The following CDKL5 variants were observed in gnomAD, a reference collection of about 807,000 sequenced individuals.
CDKL5 encodes cyclin dependent kinase like 5, also known as cyclin-dependent kinase-like 5.
CDKL5 carries 8 observed loss-of-function variants against 61.7 expected under a neutral mutation model. That is an observed-to-expected ratio of 0.13 (90% CI 0.08 to 0.23). CDKL5 has a LOEUF of 0.23. CDKL5 is among the 10% of genes least tolerant of loss of function. CDKL5 has a pLI of 1.00. For missense variants in CDKL5, 440 were observed against 734.5 expected (o/e 0.60, Z 4.63); for synonymous variants, 275 against 272.3 (o/e 1.01, Z -0.10).
intron 3 of CDKL5, among the ~76,000 whole-genome samples, chrX:18,548,831 C>T (rs761842570): frequency 2.7e-5 from 3 of 112,222 alleles, no homozygotes; most frequent in Non-Finnish European, 3.8e-5. Flanking sequence ...CTTTGAACTT[C>T]AGTGTTTTGT....
chrX:18,555,525 C>T (rs938775392), intron 3 of CDKL5, among the ~76,000 whole-genome samples: 5 of 111,772 alleles, frequency 4.5e-5, no homozygotes, highest in Non-Finnish European at 9.4e-5. Context: ...TTATTTTTGG[C>T]ATTTTACATT....
In CDKL5 at chrX:18,629,325, T is replaced by C; in HGVS notation, c.*568T>C. 1 of 655,566 alleles carries C rather than the reference T, an allele frequency of 1.5e-6. No individual in the cohort carries two copies. Among genetic ancestry groups the C allele is most frequent in the Non-Finnish European group, 1.8e-6 (1 of 549,667 alleles). 54.0% of individuals were successfully genotyped at this position (655,566 alleles called of 1,213,427 possible). On this transcript the variant is annotated 3_prime_UTR_variant, in exon 18 of 18. Coordinates refer to ENST00000623535, the MANE Select transcript of CDKL5 (RefSeq NM_001323289.2). Reference sequence around the variant, plus strand: ...ATATTGTACTGTTAAAATCATATCTTTTATGTTATAATGTAAAGTTATTTT... The same window carrying C: ...ATATTGTACTGTTAAAATCATATCTCTTATGTTATAATGTAAAGTTATTTT...
At chrX:18,441,644 G>A (rs1170736896) in intron 1 of CDKL5, among the ~76,000 whole-genome samples, 2 of 110,926 alleles carry the variant, frequency 1.8e-5, no homozygotes, top group Non-Finnish European at 3.8e-5. Context: ...GTGTTGTTAT[G>A]GTTAACCTAG....
At chrX:18,533,558 A>C (rs1173202170) in intron 3 of CDKL5, among the ~76,000 whole-genome samples, 1 of 112,250 alleles carries the variant, frequency 8.9e-6, no homozygotes, top group Non-Finnish European at 1.9e-5. Context: ...ATTCAACTGA[A>C]GATAGATGGT....
At position 18,427,374 on chromosome X, in the gene CDKL5, A is replaced by AAGCTGTAG. The variant is rs750371051; in HGVS notation, c.-163+1683_-163+1684insGTAGAGCT. Among the ~76,000 whole-genome samples the AAGCTGTAG allele has an allele frequency of 3.7e-3, 409 of 109,244 alleles. 2 individuals are homozygous for AAGCTGTAG. Among genetic ancestry groups the AAGCTGTAG allele is most frequent in the Middle Eastern group, 0.028 (6 of 213 alleles). The allele number at this position is 109,244 out of a possible 115,157, so 94.9% of individuals were successfully genotyped here. On this transcript the variant is annotated intron_variant, in intron 1 of 17. Coordinates refer to ENST00000623535, the MANE Select transcript of CDKL5 (RefSeq NM_001323289.2). ...GAGGGGGGAAGGAGCCAGAAGAGAGAAGCTAATGCTGCCAGCACTGTATGC... is the reference window on the plus strand; with the variant it reads ...GAGGGGGGAAGGAGCCAGAAGAGAGAAGCTGTAGAGCTAATGCTGCCAGCACTGTATGC...
chrX:18,588,579 C>T (rs1925717849), intron 9 of CDKL5: 1 of 135,380 alleles, frequency 7.4e-6, no homozygotes, highest in African/African-American at 3.3e-5. Flanking sequence ...TGTTTCTGGT[C>T]CACTGACGGT....
chrX:18,609,600 C>G (rs755383111), intron 14 of CDKL5, 30 bp downstream of exon 14: 1 of 1,204,079 alleles, frequency 8.3e-7, no homozygotes, highest in South Asian at 1.8e-5. Context: ...TCAACAGGTT[C>G]CCCTCTCCTC....
chrX:18,509,690 G>A (rs1044077084), intron 2 of CDKL5, among the ~76,000 whole-genome samples: 2 of 111,743 alleles, frequency 1.8e-5, no homozygotes, highest in Non-Finnish European at 3.8e-5. Flanking sequence ...CTATTGCCTA[G>A]ATAATAGGAT....
At chrX:18,621,200 A>G (rs1399944458) in intron 16 of CDKL5, among the ~76,000 whole-genome samples, 3 of 112,127 alleles carry the variant, frequency 2.7e-5, no homozygotes, top group Non-Finnish European at 3.8e-5. Flanking sequence ...GGCCCTTTCT[A>G]TTATGAAAAT....
In CDKL5 at chrX:18,634,516, G is replaced by A. The variant is rs775284305; in HGVS notation, c.*5759G>A. ...AAACAAAAAAGATGCTTATCGTCCC[G>A]GAGAATGTGTAAGTAAGTTCTCCAG... is the stretch of plus-strand genomic sequence containing the variant. On this transcript the variant is annotated 3_prime_UTR_variant, in exon 18 of 18. Transcript: ENST00000623535. 19 of 752,530 alleles carry A rather than the reference G, an allele frequency of 2.5e-5. No homozygotes were observed. Among genetic ancestry groups the A allele is most frequent in the Non-Finnish European group, 2.8e-5 (18 of 639,093 alleles). The allele number at this position is 752,530 out of a possible 1,213,427, so 62.0% of individuals were successfully genotyped here. A position where few individuals can be genotyped will look rare whatever the true frequency, so the allele number is the denominator to read the frequency against.
At chrX:18,491,808 G>A (rs1236192611) in intron 1 of CDKL5, among the ~76,000 whole-genome samples, 1 of 111,509 alleles carries the variant, frequency 9.0e-6, no homozygotes, top group Admixed American at 9.5e-5. Context: ...TAAAATTTAT[G>A]AAATGCTGAT....
chrX:18,464,442 CTT>C (rs1187198318), intron 1 of CDKL5, among the ~76,000 whole-genome samples: 2 of 111,443 alleles, frequency 1.8e-5, no homozygotes, highest in Non-Finnish European at 3.8e-5. Context: ...GTTAATATCT[CTT>C]TGTCTGTTTT....
At chrX:18,537,293 TC>T (rs773241112) in intron 3 of CDKL5, among the ~76,000 whole-genome samples, 1 of 112,292 alleles carries the variant, frequency 8.9e-6, no homozygotes, top group South Asian at 3.7e-4. Context: ...TGTCCTCACT[TC>T]CTGTTTCACA....
At chrX:18,510,787 G>C (rs767125302) in intron 2 of CDKL5, 33 bp from the exon 3 acceptor site, 5 of 1,154,818 alleles carry the variant, frequency 4.3e-6, no homozygotes, top group Middle Eastern at 2.4e-4. Flanking sequence ...GTTTGTATGC[G>C]TGCCCTTGAT....
At chrX:18,481,824 G>A (rs1349573393) in intron 1 of CDKL5, among the ~76,000 whole-genome samples, 2 of 110,859 alleles carry the variant, frequency 1.8e-5, no homozygotes, top group Non-Finnish European at 3.8e-5. Context: ...TAGAGGTGCT[G>A]CCCTATAAAT....
At chrX:18,469,254 G>T (rs1443133957) in intron 1 of CDKL5, among the ~76,000 whole-genome samples, 1 of 101,795 alleles carries the variant, frequency 9.8e-6, no homozygotes, top group Non-Finnish European at 2.0e-5. Flanking sequence ...TAGGAGAATT[G>T]CTTGAACCTG....
chrX:18,537,371 A>G (rs991960362), intron 3 of CDKL5, among the ~76,000 whole-genome samples: 3 of 112,193 alleles, frequency 2.7e-5, no homozygotes, highest in African/African-American at 9.7e-5. Context: ...TATAGTTCAC[A>G]TGTAGGTATA....
chrX:18,452,634 C>T (rs1255728535), intron 1 of CDKL5, among the ~76,000 whole-genome samples: 1 of 108,925 alleles, frequency 9.2e-6, no homozygotes, highest in Non-Finnish European at 1.9e-5. Context: ...CCATGTTGCC[C>T]AGGCTTAGGT....
intron 3 of CDKL5, among the ~76,000 whole-genome samples, chrX:18,524,306 G>T (rs1481669475): frequency 8.9e-6 from 1 of 112,363 alleles, no homozygotes; most frequent in Non-Finnish European, 1.9e-5. Flanking sequence ...TGTGGGTAAA[G>T]GTAGGTGGGC....
Sources: allele counts gnomAD v4.1 joint callset (sites outside exome capture counted in the v4.1 genomes callset), GRCh38; gene constraint gnomAD v4.1.1; transcripts MANE v1.5; gene names NCBI Gene and HGNC (gene_info 2026-07-23, HGNC 2026-07-21).